The following SLC14A2 variants were observed in gnomAD, a reference collection of about 807,000 sequenced individuals.
SLC14A2 encodes urea transporter 2.
In SLC14A2, 91 loss-of-function variants were observed where a neutral mutation model predicts 104.6. That is an observed-to-expected ratio of 0.87 (90% confidence interval 0.73 to 1.04). SLC14A2 has a LOEUF of 1.04. Ranked by LOEUF, SLC14A2 falls within the 50% of genes least tolerant of loss-of-function variation. The probability of loss-of-function intolerance (pLI) is 0.00; values close to 1 mark genes in which losing one functional copy is unlikely to be tolerated. For missense variants in SLC14A2, 1,189 were observed against 1,156.0 expected (o/e 1.03, Z -0.41); for synonymous variants, 476 against 466.4 (o/e 1.02, Z -0.27).
At chr18:45,247,905 G>A (rs2084382940) in intron 1 of SLC14A2, among the ~76,000 whole-genome samples, 1 of 152,038 alleles carries the variant, frequency 6.6e-6, no homozygotes, top group African/African-American at 2.4e-5. Flanking sequence ...GGAAGGTGGT[G>A]GAATTACAAT....
At chr18:45,173,710 G>A in the SLC14A2 span, among the ~76,000 whole-genome samples, 2 of 152,202 alleles carry the variant, frequency 1.3e-5, no homozygotes, top group African/African-American at 2.4e-5. Context: ...TTTTCCACTA[G>A]TGATAACTAC....
At chr18:45,351,192 G>A (rs1187205030) in intron 1 of SLC14A2, among the ~76,000 whole-genome samples, 1 of 152,132 alleles carries the variant, frequency 6.6e-6, no homozygotes, top group Non-Finnish European at 1.5e-5. Flanking sequence ...CATTATTGAA[G>A]GAAAGGGACC....
intron 1 of SLC14A2, among the ~76,000 whole-genome samples, chr18:45,305,033 T>C (rs1165426696): frequency 6.6e-6 from 1 of 152,208 alleles, no homozygotes; most frequent in African/African-American, 2.4e-5. Flanking sequence ...TTCCACAGTG[T>C]CTGTGGTCAA....
At chr18:45,172,154 C>T in the SLC14A2 span, among the ~76,000 whole-genome samples, 2 of 152,138 alleles carry the variant, frequency 1.3e-5, no homozygotes, top group Non-Finnish European at 2.9e-5. Flanking sequence ...CTCCTCTTTG[C>T]ACTCCCCACA....
At chr18:45,577,888 C>A (rs1599024590) in intron 2 of SLC14A2, among the ~76,000 whole-genome samples, 1 of 152,136 alleles carries the variant, frequency 6.6e-6, no homozygotes, top group Admixed American at 6.5e-5. Context: ...AAGGACATGG[C>A]ATTCAGAAAA....
chr18:45,644,956 G>A (rs544922486), intron 10 of SLC14A2, among the ~76,000 whole-genome samples: 17 of 152,118 alleles, frequency 1.1e-4, no homozygotes, highest in African/African-American at 3.6e-4. Context: ...CTATCAACCC[G>A]TCATCTAGGT....
the SLC14A2 span, among the ~76,000 whole-genome samples, chr18:45,177,089 G>T: frequency 6.6e-6 from 1 of 152,064 alleles, no homozygotes; most frequent in African/African-American, 2.4e-5. Context: ...GGACCTAAGG[G>T]GCATGCTTGA....
At chr18:45,219,121 T>C (rs1175931658) in intron 1 of SLC14A2, among the ~76,000 whole-genome samples, 3 of 152,142 alleles carry the variant, frequency 2.0e-5, no homozygotes, top group Non-Finnish European at 2.9e-5. Flanking sequence ...CATAGACAAA[T>C]AAATTTGCCT....
At chr18:45,533,974 A>T (rs1162152713) in intron 2 of SLC14A2, among the ~76,000 whole-genome samples, 1 of 152,200 alleles carries the variant, frequency 6.6e-6, no homozygotes, top group Non-Finnish European at 1.5e-5. Context: ...ATCACGAAGA[A>T]TGTAGAAAGA....
At chr18:45,342,825 T>A (rs1378343534) in intron 1 of SLC14A2, among the ~76,000 whole-genome samples, 1 of 152,212 alleles carries the variant, frequency 6.6e-6, no homozygotes, top group African/African-American at 2.4e-5. Flanking sequence ...GACTGGTGAT[T>A]CTCTGAAACT....
intron 16 of SLC14A2, among the ~76,000 whole-genome samples, chr18:45,672,256 G>A (rs187458432): frequency 7.2e-5 from 11 of 152,138 alleles, no homozygotes; most frequent in Admixed American, 5.9e-4. Flanking sequence ...ATGGCCAGGC[G>A]TGGTGGCTCA....
At chr18:45,279,332 A>G (rs559583838) in intron 1 of SLC14A2, among the ~76,000 whole-genome samples, 1 of 152,328 alleles carries the variant, frequency 6.6e-6, no homozygotes, top group Admixed American at 6.5e-5. Context: ...TTACGGGCAA[A>G]GGTGAAGTTT....
At chr18:45,212,783 C>T (rs1043069537), upstream of SLC14A2, among the ~76,000 whole-genome samples, 3 of 152,180 alleles carry the variant, frequency 2.0e-5, no homozygotes, top group Admixed American at 6.5e-5. Context: ...GTATAAAACA[C>T]CCACATACAC....
chr18:45,412,675 C>T lies in SLC14A2; in HGVS notation c.-124-70558C>T, dbSNP rs1434831159. ...TCAAGTGGGACAGAAGTCACTAGCA[C>T]ACATCATGGTGGATGAGCTGTATCA... is the stretch of plus-strand genomic sequence containing the variant. On this transcript the variant is annotated intron_variant, in intron 1 of 20. Coordinates refer to the SLC14A2 transcript ENST00000586448. 4.6e-5 allele frequency among the ~76,000 whole-genome samples: 7 copies of T among 152,190 alleles called. No individual in the cohort carries two copies. The South Asian group carries it at 1.4e-3, about 31-fold the overall frequency.
chr18:45,478,203 C>T (rs1272923637), intron 1 of SLC14A2, among the ~76,000 whole-genome samples: 3 of 152,216 alleles, frequency 2.0e-5, no homozygotes, highest in Non-Finnish European at 4.4e-5. Context: ...TTCCTCAAGG[C>T]ACAGTCCCTC....
intron 2 of SLC14A2, among the ~76,000 whole-genome samples, chr18:45,512,888 G>A (rs549442348): frequency 8.7e-4 from 132 of 152,320 alleles, no homozygotes; most frequent in African/African-American, 3.0e-3. Context: ...GGCTAGTTCA[G>A]AATGTTTTCA....
At chr18:45,656,461 T>G (rs1455258247) in intron 10 of SLC14A2, among the ~76,000 whole-genome samples, 1 of 152,170 alleles carries the variant, frequency 6.6e-6, no homozygotes, top group Non-Finnish European at 1.5e-5. Context: ...ATAGGGAGCA[T>G]GTAGGTTATT....
chr18:45,233,756 C>G (rs1281253946), intron 1 of SLC14A2, among the ~76,000 whole-genome samples: 1 of 144,322 alleles, frequency 6.9e-6, no homozygotes, highest in Non-Finnish European at 1.5e-5. Flanking sequence ...GCCCCACCCC[C>G]CGCTTCCCCC....
intron 2 of SLC14A2, among the ~76,000 whole-genome samples, chr18:45,566,915 A>G (rs2044274332): frequency 6.6e-6 from 1 of 152,074 alleles, no homozygotes; most frequent in African/African-American, 2.4e-5. Flanking sequence ...TGTTTAATGT[A>G]TTTTCAAGTA....
Sources: allele counts gnomAD v4.1 joint callset (sites outside exome capture counted in the v4.1 genomes callset), GRCh38; gene constraint gnomAD v4.1.1; transcripts MANE v1.5; gene names NCBI Gene and HGNC (gene_info 2026-07-23, HGNC 2026-07-21).